Variants in CDH13 observed in about 807,000 individuals in gnomAD.
The protein encoded by CDH13 is cadherin-13.
In CDH13, 24 loss-of-function variants were observed where a neutral mutation model predicts 63.8. The ratio of observed to expected loss-of-function variants is 0.38; its 90% confidence interval spans 0.27 to 0.53. The LOEUF (loss-of-function observed/expected upper bound fraction) is 0.53, where lower values mean the gene tolerates loss of function less well. Among genes scored for constraint, CDH13 ranks in the 20% least tolerant of loss-of-function variants. The pLI, the probability that CDH13 is intolerant of heterozygous loss-of-function variation, is 0.85. For missense variants in CDH13, 1,049 were observed against 903.1 expected (o/e 1.16, Z -2.07); for synonymous variants, 503 against 355.3 (o/e 1.42, Z -4.67).
At chr16:83,615,702 C>T (rs1274589200) in intron 8 of CDH13, among the ~76,000 whole-genome samples, 1 of 152,306 alleles carries the variant, frequency 6.6e-6, no homozygotes, top group South Asian at 2.1e-4. Context: ...TGCATGGGTA[C>T]TAGCAGTTTC....
At chr16:82,961,471 A>C (rs1173605952) in intron 2 of CDH13, among the ~76,000 whole-genome samples, 1 of 150,878 alleles carries the variant, frequency 6.6e-6, no homozygotes, top group African/African-American at 2.4e-5. Context: ...TTTGTGAAAG[A>C]GTTGAAATGA....
In CDH13 at chr16:83,341,699, C is replaced by CA. The variant is rs1354414725; in HGVS notation, c.637-3158dup. Among the ~76,000 whole-genome samples, 8 of 152,178 alleles carry CA rather than the reference C, an allele frequency of 5.3e-5. No individual in the cohort carries two copies. The East Asian group carries it at 1.5e-3, about 29-fold the overall frequency. ...TTCACTTGGTTTAGATTGTTCTACG[C>CA]AAAAACTCTTGTATGGACATAAGCC... On this transcript the variant is annotated intron_variant, in intron 5 of 13. Transcript: ENST00000567109.
chr16:82,957,236 A>G (rs567862235), intron 2 of CDH13, among the ~76,000 whole-genome samples: 2 of 152,174 alleles, frequency 1.3e-5, no homozygotes, highest in East Asian at 3.8e-4. Context: ...TGACCATATG[A>G]CTAAATCTAG....
chr16:82,991,791 C>G (rs1911687058), intron 2 of CDH13, among the ~76,000 whole-genome samples: 1 of 152,008 alleles, frequency 6.6e-6, no homozygotes, highest in Non-Finnish European at 1.5e-5. Flanking sequence ...TTGAGCACAG[C>G]TGATCTTAGC....
At chr16:83,683,036 T>C (rs1915534508) in intron 10 of CDH13, among the ~76,000 whole-genome samples, 1 of 152,180 alleles carries the variant, frequency 6.6e-6, no homozygotes, top group Non-Finnish European at 1.5e-5. Context: ...CCACTGCTCC[T>C]CGGCTGACCG....
chr16:83,529,378 T>G (rs2075033604), intron 7 of CDH13, among the ~76,000 whole-genome samples: 1 of 152,182 alleles, frequency 6.6e-6, no homozygotes, highest in Non-Finnish European at 1.5e-5. Flanking sequence ...TGAGTTTATA[T>G]GTATAAGGAT....
At chr16:83,375,617 G>A (rs770338842) in intron 6 of CDH13, among the ~76,000 whole-genome samples, 11 of 152,174 alleles carry the variant, frequency 7.2e-5, no homozygotes, top group Non-Finnish European at 1.5e-4. Flanking sequence ...GAAGAGAGAT[G>A]GGTAAATATC....
chr16:83,353,915 A>T (rs150967574), intron 6 of CDH13, among the ~76,000 whole-genome samples: 4,037 of 152,384 alleles, frequency 0.026, 84 homozygotes, highest in Non-Finnish European at 0.041. Context: ...GCCGGGAGTC[A>T]TCCTTCCATC....
intron 1 of CDH13, among the ~76,000 whole-genome samples, chr16:82,856,044 G>C (rs1174140753): frequency 6.6e-6 from 1 of 152,120 alleles, no homozygotes; most frequent in African/African-American, 2.4e-5. Context: ...GGATTTGAGT[G>C]CAAGTAATTT....
At chr16:83,224,013 C>T (rs1392854577) in intron 5 of CDH13, among the ~76,000 whole-genome samples, 1 of 152,194 alleles carries the variant, frequency 6.6e-6, no homozygotes, top group East Asian at 1.9e-4. Context: ...TGCCAAGTCC[C>T]CAAAGTCCAT....
Position 83,427,020 on chromosome 16 carries a change from A to G in CDH13, c.782-59457A>G, listed in dbSNP as rs543026669. Among the ~76,000 whole-genome samples, 3 of 131,396 alleles carry G rather than the reference A, an allele frequency of 2.3e-5. No homozygotes were observed. In the East Asian group the frequency reaches 6.8e-4, roughly 30 times the overall value. 86.2% of individuals were successfully genotyped at this position (131,396 alleles called of 152,430 possible). ...CGGCTCACTGCAAGCTCCGCCTCCC[A>G]GGTTCACGCCATTCTCCTGCCTTAG... On this transcript the variant is annotated intron_variant, in intron 6 of 13. Transcript: ENST00000567109.
intron 1 of CDH13, among the ~76,000 whole-genome samples, chr16:82,676,394 C>G (rs1013163989): frequency 1.3e-5 from 2 of 151,262 alleles, no homozygotes; most frequent in South Asian, 2.1e-4. Context: ...AATTAAAATT[C>G]TGTTGATTTT....
intron 11 of CDH13, among the ~76,000 whole-genome samples, chr16:83,755,345 AC>A (rs536373050): frequency 1.6e-4 from 24 of 152,308 alleles, no homozygotes; most frequent in Non-Finnish European, 3.2e-4. Context: ...AATTGGAGTT[AC>A]AGAAGGATAG....
At chr16:83,607,817 A>C (rs1356349554) in intron 8 of CDH13, among the ~76,000 whole-genome samples, 3 of 152,216 alleles carry the variant, frequency 2.0e-5, no homozygotes, top group Non-Finnish European at 4.4e-5. Context: ...GATCTGAGAA[A>C]ATCTAGTTAA....
intron 7 of CDH13, among the ~76,000 whole-genome samples, chr16:83,545,832 C>T (rs1374474451): frequency 3.3e-5 from 5 of 152,188 alleles, no homozygotes; most frequent in Non-Finnish European, 1.5e-5. Context: ...CTGCAGCTTT[C>T]CTCAGCTTCC....
chr16:82,791,328 C>T (rs949972051), intron 1 of CDH13, among the ~76,000 whole-genome samples: 36 of 151,994 alleles, frequency 2.4e-4, no homozygotes, highest in African/African-American at 8.0e-4. Flanking sequence ...TCAGCTCACA[C>T]CCAACAAATC....
chr16:83,750,079 C>T (rs146293022), intron 11 of CDH13, among the ~76,000 whole-genome samples: 1 of 152,090 alleles, frequency 6.6e-6, no homozygotes, highest in South Asian at 2.1e-4. Flanking sequence ...GGGTGGATTA[C>T]AAGGCCAGGA....
intron 3 of CDH13, among the ~76,000 whole-genome samples, chr16:83,054,327 T>C (rs933446540): frequency 8.5e-5 from 13 of 152,152 alleles, no homozygotes; most frequent in African/African-American, 3.1e-4. Flanking sequence ...TAACGAATAG[T>C]AAAATAGAAC....
intron 7 of CDH13, among the ~76,000 whole-genome samples, chr16:83,539,904 C>T (rs940228177): frequency 6.6e-6 from 1 of 152,090 alleles, no homozygotes; most frequent in African/African-American, 2.4e-5. Flanking sequence ...GGGATATCTC[C>T]CTGAGGGAGA....
Sources: allele counts gnomAD v4.1 joint callset (sites outside exome capture counted in the v4.1 genomes callset), GRCh38; gene constraint gnomAD v4.1.1; transcripts MANE v1.5; gene names NCBI Gene and HGNC (gene_info 2026-07-23, HGNC 2026-07-21).